Variants in GRM7 observed in about 807,000 individuals in gnomAD.
The protein encoded by GRM7 is glutamate metabotropic receptor 7.
Under a neutral mutation model 84.5 loss-of-function variants are expected in GRM7, and 35 were observed. The observed-to-expected ratio is 0.41, with a 90% CI of 0.32 to 0.55. The LOEUF (loss-of-function observed/expected upper bound fraction) is 0.55, where lower values mean the gene tolerates loss of function less well. GRM7 is among the 20% of genes least tolerant of loss of function. The pLI, the probability that GRM7 is intolerant of heterozygous loss-of-function variation, is 0.19. For missense variants in GRM7, 1,003 were observed against 1,194.6 expected, an observed-to-expected ratio of 0.84 and a Z score of 2.36; for synonymous variants, 487 against 455.1, an observed-to-expected ratio of 1.07 and a Z score of -0.89.
chr3:7,619,219 G>A (rs1697250072), intron 8 of GRM7, among the ~76,000 whole-genome samples: 1 of 152,142 alleles, frequency 6.6e-6, no homozygotes, highest in Admixed American at 6.5e-5. Context: ...CTCCTCTCTA[G>A]TGGTGACACA....
intron 1 of GRM7, among the ~76,000 whole-genome samples, chr3:7,077,777 A>G (rs1322029094): frequency 6.6e-6 from 1 of 152,196 alleles, no homozygotes; most frequent in East Asian, 1.9e-4. Context: ...TAAAAGTTGT[A>G]GATGAAATGA....
At chr3:6,986,841 G>T (rs917385569) in intron 1 of GRM7, among the ~76,000 whole-genome samples, 5 of 152,122 alleles carry the variant, frequency 3.3e-5, no homozygotes, top group Admixed American at 6.5e-5. Flanking sequence ...CTCTGAGCAC[G>T]TGAGCTGCAT....
intron 1 of GRM7, among the ~76,000 whole-genome samples, chr3:6,890,750 G>A (rs974780419): frequency 2.0e-5 from 3 of 152,130 alleles, no homozygotes; most frequent in African/African-American, 4.8e-5. Context: ...TATTAGGTCT[G>A]CTTGGTGTAG....
intron 4 of GRM7, among the ~76,000 whole-genome samples, chr3:7,406,527 A>G (rs910204865): frequency 3.3e-5 from 5 of 152,116 alleles, no homozygotes; most frequent in Admixed American, 6.5e-5. Context: ...ATTATTAAAC[A>G]TACATAAAAA....
intron 2 of GRM7, among the ~76,000 whole-genome samples, chr3:7,187,576 T>C (rs1695563158): frequency 6.6e-6 from 1 of 152,180 alleles, no homozygotes; most frequent in African/African-American, 2.4e-5. Context: ...TCTGATGGCG[T>C]TGCAGCTCCG....
At chr3:7,082,157 T>C (rs936049228) in intron 1 of GRM7, among the ~76,000 whole-genome samples, 1 of 152,124 alleles carries the variant, frequency 6.6e-6, no homozygotes, top group East Asian at 1.9e-4. Flanking sequence ...CTGGGACTTT[T>C]GTAGGTATAG....
chr3:6,887,087 C>T (rs537315099), intron 1 of GRM7, among the ~76,000 whole-genome samples: 54 of 151,912 alleles, frequency 3.6e-4, no homozygotes, highest in Non-Finnish European at 6.2e-4. Context: ...GACCTTTTCA[C>T]TTTATGAGTC....
intron 7 of GRM7, among the ~76,000 whole-genome samples, chr3:7,541,201 A>G (rs1692866761): frequency 6.6e-6 from 1 of 152,126 alleles, no homozygotes; most frequent in Non-Finnish European, 1.5e-5. Context: ...CAGATGTAAT[A>G]TGGCATTAGG....
intron 7 of GRM7, among the ~76,000 whole-genome samples, chr3:7,539,292 G>C (rs3804925): frequency 1.3e-5 from 2 of 152,064 alleles, no homozygotes; most frequent in Non-Finnish European, 2.9e-5. Flanking sequence ...CGAGAACAGC[G>C]TGCGTAATTC....
At chr3:7,539,674 C>CAAA (rs57039269) in intron 7 of GRM7, among the ~76,000 whole-genome samples, 5 of 87,106 alleles carry the variant, frequency 5.7e-5, no homozygotes, top group Admixed American at 1.3e-4. Flanking sequence ...GACTCTGTCT[C>CAAA]AAAAAAAAAA....
intron 8 of GRM7, among the ~76,000 whole-genome samples, chr3:7,593,454 A>C (rs894854443): frequency 6.6e-6 from 1 of 152,220 alleles, no homozygotes; most frequent in Non-Finnish European, 1.5e-5. Context: ...AAAGTGAGAC[A>C]ATATGCAAAC....
At chr3:7,002,908 A>T (rs4686109) in intron 1 of GRM7, among the ~76,000 whole-genome samples, 137,168 of 152,232 alleles carry the variant, frequency 0.9, 63,342 homozygotes, top group Non-Finnish European at 0.99. Context: ...ATACAGCCTT[A>T]AAAAAGAAGA....
chr3:6,995,533 C>T (rs570230085), intron 1 of GRM7, among the ~76,000 whole-genome samples: 1 of 152,248 alleles, frequency 6.6e-6, no homozygotes, highest in African/African-American at 2.4e-5. Context: ...TGTTAGAGTA[C>T]TGAATGGATG....
intron 9 of GRM7, among the ~76,000 whole-genome samples, chr3:7,707,346 A>G (rs1224488534): frequency 6.6e-6 from 1 of 152,142 alleles, no homozygotes; most frequent in Admixed American, 6.5e-5. Context: ...TTGCCCACTG[A>G]GTCAGTTAAT....
At chr3:7,434,628 C>G (rs1471872852) in intron 5 of GRM7, among the ~76,000 whole-genome samples, 1 of 151,932 alleles carries the variant, frequency 6.6e-6, no homozygotes, top group Non-Finnish European at 1.5e-5. Context: ...GTTTGCAGTC[C>G]TAGGATAAAC....
At chr3:7,359,092 ATAGAGTGAGATTCCAT>A (rs1693543687) in intron 4 of GRM7, among the ~76,000 whole-genome samples, 1 of 139,800 alleles carries the variant, frequency 7.2e-6, no homozygotes. Context: ...AGCCTGAGTG[ATAGAGTGAGATTCCAT>A]CTCAAAAAAA....
chr3:7,445,805 C>CA (rs916312246), intron 5 of GRM7, among the ~76,000 whole-genome samples: 1 of 152,094 alleles, frequency 6.6e-6, no homozygotes, highest in Non-Finnish European at 1.5e-5. Context: ...ACCCAGTTGA[C>CA]AGAGTTATTT....
chr3:7,737,843 ATTTT>A (rs35087158), intron 9 of GRM7, among the ~76,000 whole-genome samples: 10 of 134,440 alleles, frequency 7.4e-5, no homozygotes, highest in Non-Finnish European at 8.0e-5. Context: ...TATTCTCCCA[ATTTT>A]TTTTTTTTTT....
chr3:7,372,587 A>G (rs772793094), intron 4 of GRM7, among the ~76,000 whole-genome samples: 58 of 152,134 alleles, frequency 3.8e-4, no homozygotes, highest in Admixed American at 9.2e-4. Flanking sequence ...TCAACCTCTG[A>G]TCTTATTTAT....
Sources: allele counts gnomAD v4.1 joint callset (sites outside exome capture counted in the v4.1 genomes callset), GRCh38; gene constraint gnomAD v4.1.1; transcripts MANE v1.5; gene names NCBI Gene and HGNC (gene_info 2026-07-23, HGNC 2026-07-21).